The following ANO2 variants were observed in gnomAD, a reference collection of about 807,000 sequenced individuals.
The protein encoded by ANO2 is anoctamin 2.
ANO2 carries 101 observed loss-of-function variants against 124.2 expected under a neutral mutation model. The ratio of observed to expected loss-of-function variants is 0.81; its 90% CI spans 0.69 to 0.96. The LOEUF (loss-of-function observed/expected upper bound fraction) is 0.96, where lower values mean the gene tolerates loss of function less well. Among genes scored for constraint, ANO2 ranks in the 40% least tolerant of loss-of-function variants. ANO2 has a pLI of 0.00. For missense variants in ANO2, 1,293 were observed against 1,274.5 expected (o/e 1.01, Z -0.22); for synonymous variants, 486 against 482.5 (o/e 1.01, Z -0.09).
chr12:5,575,036 C>A (rs149859183), intron 23 of ANO2, among the ~76,000 whole-genome samples: 1 of 152,304 alleles, frequency 6.6e-6, no homozygotes, highest in Non-Finnish European at 1.5e-5. Context: ...TTTGTCCCCA[C>A]CCCATGACTT....
chr12:5,883,610 C>T (rs530036678), intron 3 of ANO2, among the ~76,000 whole-genome samples: 1 of 151,778 alleles, frequency 6.6e-6, no homozygotes, highest in South Asian at 2.1e-4. Context: ...GAGAGGTGGC[C>T]CCCATGGAGA....
At chr12:5,631,902 T>A (rs1231302250) in intron 16 of ANO2, among the ~76,000 whole-genome samples, 1 of 152,002 alleles carries the variant, frequency 6.6e-6, no homozygotes, top group African/African-American at 2.4e-5. Flanking sequence ...GGGAGCAATG[T>A]CCCCAAACCC....
rs77303447 is a variant in ANO2, at chr12:5,904,652, G to A, written c.534+16388C>T. ...ACGGCCCCGACATGCCACAGCACCC[G>A]ATGCTCCTTCTCGATCTTCAAATTT... is the stretch of plus-strand genomic sequence containing the variant. On this transcript the variant is annotated intron_variant, in intron 3 of 24. Transcript: ENST00000682330. The surrounding 1 kb of genome is among the most constrained non-coding windows in gnomAD (Gnocchi z 4.1). 0.12 allele frequency among the ~76,000 whole-genome samples: 17,590 copies of A among 152,180 alleles called. 1,180 individuals carry two copies. The highest frequency in any genetic ancestry group is 0.26 in the Middle Eastern group (76 of 294).
At chr12:5,823,319 C>T (rs553112789) in intron 7 of ANO2, among the ~76,000 whole-genome samples, 1 of 152,300 alleles carries the variant, frequency 6.6e-6, no homozygotes, top group East Asian at 1.9e-4. Context: ...GTCCCTTCTG[C>T]CTATGAGCCT....
intron 10 of ANO2, among the ~76,000 whole-genome samples, chr12:5,757,188 G>T (rs1160485646): frequency 6.6e-6 from 1 of 152,232 alleles, no homozygotes; most frequent in African/African-American, 2.4e-5. Flanking sequence ...TGTTTCAGTA[G>T]AAGGGTGAGG....
rs924451330 is a variant in ANO2 at position 5,636,924 on chromosome 12, T to C, written c.1621-1577A>G. ...AGTAATTGCCCTATGGGCCGTGTTGTGAAAAAGAAGCCCTTGGTAAGGAAG... is the reference window on the plus strand; with the variant it reads ...AGTAATTGCCCTATGGGCCGTGTTGCGAAAAAGAAGCCCTTGGTAAGGAAG... On this transcript the variant is annotated intron_variant, in intron 15 of 24. Coordinates refer to ENST00000682330, the MANE Select transcript of ANO2 (RefSeq NM_001364791.2). This position sits in a 1 kb window ranked among gnomAD's most constrained non-coding sequence, Gnocchi z 4.6. 1.3e-5 allele frequency among the ~76,000 whole-genome samples: 2 copies of C among 151,920 alleles called. No individual in the cohort carries two copies. The highest frequency in any genetic ancestry group is 4.8e-5 in the African/African-American group (2 of 41,350).
At chr12:5,642,637 TC>T (rs1946440789) in intron 15 of ANO2, among the ~76,000 whole-genome samples, 1 of 152,312 alleles carries the variant, frequency 6.6e-6, no homozygotes, top group African/African-American at 2.4e-5. Flanking sequence ...GCCAGAATGA[TC>T]CTTTTGAAAT....
intron 3 of ANO2, among the ~76,000 whole-genome samples, chr12:5,867,535 G>C (rs1252650290): frequency 1.3e-5 from 2 of 152,188 alleles, no homozygotes; most frequent in Non-Finnish European, 2.9e-5. Context: ...GCTCAGGTAA[G>C]TGAAGTTGAA....
intron 14 of ANO2, among the ~76,000 whole-genome samples, chr12:5,718,918 C>T (rs1005052054): frequency 1.1e-4 from 17 of 152,218 alleles, no homozygotes; most frequent in African/African-American, 2.9e-4. Context: ...GAGGACCTGG[C>T]GCTGGGCCAC....
At chr12:5,668,520 T>C (rs928248687) in intron 14 of ANO2, among the ~76,000 whole-genome samples, 4 of 152,220 alleles carry the variant, frequency 2.6e-5, no homozygotes, top group Admixed American at 2.0e-4. Flanking sequence ...TGCAATAGTT[T>C]CTTACCATGT....
At chr12:5,563,806 C>G (rs529327394) in intron 24 of ANO2, among the ~76,000 whole-genome samples, 1 of 152,356 alleles carries the variant, frequency 6.6e-6, no homozygotes, top group Non-Finnish European at 1.5e-5. Context: ...GCATCTGCCG[C>G]AGTGCCTGGC....
rs555055510 is a variant in ANO2, at chr12:5,798,395, G to A, written c.1055+1112C>T. On this transcript the variant is annotated intron_variant, in intron 10 of 24. Coordinates refer to ENST00000682330, the MANE Select transcript of ANO2 (RefSeq NM_001364791.2). ...AGGGCCGCTGCATCTCTGTGTAGGA[G>A]GTGAGCTGCCCAAACTCTGGCCTCC... Among the ~76,000 whole-genome samples, 11 of 152,228 alleles carry A rather than the reference G, an allele frequency of 7.2e-5. No homozygotes were observed. The East Asian group carries it at 9.7e-4, about 13-fold the overall frequency.
chr12:5,885,101 G>T (rs1938793616), intron 3 of ANO2, among the ~76,000 whole-genome samples: 1 of 152,234 alleles, frequency 6.6e-6, no homozygotes, highest in South Asian at 2.1e-4. Flanking sequence ...CTTTGGTGGA[G>T]TTGACCTCTC....
At chr12:5,647,907 A>C in intron 14 of ANO2, 106 bp from the exon 15 acceptor site, 1 of 824,696 alleles carries the variant, frequency 1.2e-6, no homozygotes, top group Non-Finnish European at 2.0e-6. Flanking sequence ...ATCACTCTAT[A>C]TAGATATATT....
intron 4 of ANO2, among the ~76,000 whole-genome samples, chr12:5,844,146 T>C (rs1954609593): frequency 6.6e-6 from 1 of 152,186 alleles, no homozygotes; most frequent in Admixed American, 6.5e-5. Flanking sequence ...CAGAATATTC[T>C]AGGACTAAGG....
At chr12:5,935,903 A>T (rs1942628375) in intron 1 of ANO2, among the ~76,000 whole-genome samples, 1 of 152,248 alleles carries the variant, frequency 6.6e-6, no homozygotes, top group South Asian at 2.1e-4. Flanking sequence ...GAGTCAAAAC[A>T]GGGAGCACAG....
At position 5,717,692 on chromosome 12, in the gene ANO2, G is replaced by A. The variant is rs148664776; in HGVS notation, c.1545+14828C>T. Among the ~76,000 whole-genome samples the A allele has an allele frequency of 2.0e-4, 30 of 152,232 alleles. No homozygotes were observed. The South Asian group carries it at 2.3e-3, about 12-fold the overall frequency. On this transcript the variant is annotated intron_variant, in intron 14 of 24. Coordinates refer to ENST00000682330, the MANE Select transcript of ANO2 (RefSeq NM_001364791.2). ...GATCTGGCCTGGATGGAATGACAGC[G>A]CATCATTCTCACTGTAGGCAGGAGC...
chr12:5,945,265 G>A, upstream of ANO2: 2 of 1,265,348 alleles, frequency 1.6e-6, no homozygotes, highest in Non-Finnish European at 2.0e-6. Flanking sequence ...CTTCTGGGCA[G>A]GCTTATGCCG....
intron 13 of ANO2, among the ~76,000 whole-genome samples, chr12:5,738,329 A>G (rs1411994071): frequency 2.0e-5 from 3 of 152,260 alleles, no homozygotes; most frequent in Admixed American, 2.0e-4. Flanking sequence ...TCCCTAGTCC[A>G]AGGCAATCAC....
Sources: allele counts gnomAD v4.1 joint callset (sites outside exome capture counted in the v4.1 genomes callset), GRCh38; gene constraint gnomAD v4.1.1; non-coding constraint Gnocchi (gnomAD v3.1); transcripts MANE v1.5; gene names NCBI Gene and HGNC (gene_info 2026-07-23, HGNC 2026-07-21).